Variants in OTUD7A observed in about 807,000 individuals in gnomAD.
The protein encoded by OTUD7A is OTU deubiquitinase 7A, also known as OTU domain-containing protein 7A.
In OTUD7A, 12 loss-of-function variants were observed where a neutral mutation model predicts 65.7. That is an observed-to-expected ratio of 0.18 (90% CI 0.12 to 0.30). OTUD7A has a LOEUF of 0.30. Ranked by LOEUF, OTUD7A falls within the 10% of genes least tolerant of loss-of-function variation. The pLI, the probability that OTUD7A is intolerant of heterozygous loss-of-function variation, is 1.00. For missense variants in OTUD7A, 1,148 were observed against 1,304.8 expected (o/e 0.88, Z 1.85); for synonymous variants, 641 against 586.3 (o/e 1.09, Z -1.35).
intron 3 of OTUD7A, among the ~76,000 whole-genome samples, chr15:31,612,392 A>G (rs1055173318): frequency 1.3e-5 from 2 of 152,186 alleles, no homozygotes; most frequent in African/African-American, 4.8e-5. Context: ...GTTTACCTTG[A>G]AAACCCTGAA....
At chr15:31,584,592 C>T (rs187492347) in intron 3 of OTUD7A, among the ~76,000 whole-genome samples, 228 of 152,300 alleles carry the variant, frequency 1.5e-3, no homozygotes, top group Admixed American at 4.5e-3. Flanking sequence ...TTCTTAACTA[C>T]GAAGACAGCC....
chr15:31,690,773 A>T (rs924479110), intron 1 of OTUD7A, among the ~76,000 whole-genome samples: 2 of 152,208 alleles, frequency 1.3e-5, no homozygotes, highest in African/African-American at 4.8e-5. Context: ...TGTATGCAAA[A>T]ATTAACTAAA....
In OTUD7A at chr15:31,862,262, A is replaced by G. The variant is rs114558366; in HGVS notation, c.-100+8245T>C. Reference sequence around the variant, plus strand: ...GTACGTTCTGTAATGATCCTGCCCAATGAGCCCTTGTATGCCTGTTATTCT... The same window carrying G: ...GTACGTTCTGTAATGATCCTGCCCAGTGAGCCCTTGTATGCCTGTTATTCT... On this transcript the variant is annotated intron_variant, in intron 1 of 12. Transcript: ENST00000307050. 7.0e-3 allele frequency among the ~76,000 whole-genome samples: 1,066 copies of G among 152,300 alleles called. 15 individuals carry two copies. The highest frequency in any genetic ancestry group is 0.025 in the African/African-American group (1,026 of 41,558).
chr15:31,761,500 A>G (rs1894961931), intron 1 of OTUD7A, among the ~76,000 whole-genome samples: 1 of 152,210 alleles, frequency 6.6e-6, no homozygotes, highest in South Asian at 2.1e-4. Context: ...TAGGATGGGT[A>G]TAATAAGAAA....
At chr15:31,608,611 C>T (rs1250801035) in intron 3 of OTUD7A, among the ~76,000 whole-genome samples, 2 of 152,190 alleles carry the variant, frequency 1.3e-5, no homozygotes, top group Non-Finnish European at 2.9e-5. Context: ...ATCAAAAATA[C>T]TGTAAGTGCC....
In OTUD7A at chr15:31,483,661, G is replaced by C. The variant is rs1325194931; in HGVS notation, c.2435C>G (p.Ser812Trp). The change falls in exon 13 of 13, where the codon TCG becomes TGG. Residue 812 changes from serine (S) to tryptophan (W), a missense_variant. Ser to Trp is a radical substitution (Grantham distance 177, BLOSUM62 -3). Around this residue, in one of 6 missense-constraint regions of OTUD7A, gnomAD observed 842 missense variants for 769.5 expected, o/e 1.09. Coordinates refer to ENST00000307050, the MANE Select transcript of OTUD7A (RefSeq NM_001382637.1). ...ATYPQQNRSLSSQSYSPARAA... is the reference protein window; with the variant it reads ...ATYPQQNRSLWSQSYSPARAA... ...GCGCGCCGGGCTGTAGCTCTGCGAC[G>C]ACAGCGAGCGGTTCTGCTGCGGGTA... 8.6e-7 allele frequency: 1 copy of C among 1,168,418 alleles called. No homozygotes were observed. The highest frequency in any genetic ancestry group is 1.1e-6 in the Non-Finnish European group (1 of 949,426). 72.4% of individuals were successfully genotyped at this position (1,168,418 alleles called of 1,614,324 possible).
chr15:31,511,011 T>C lies in OTUD7A; in HGVS notation c.894-7193A>G, dbSNP rs1251140346. Among the ~76,000 whole-genome samples, 7 of 45,214 alleles carry C rather than the reference T, an allele frequency of 1.5e-4. 3 individuals carry two copies. The highest frequency in any genetic ancestry group is 7.4e-5 in the Non-Finnish European group (2 of 27,068). The allele number at this position is 45,214 out of a possible 152,430, so 29.7% of individuals were successfully genotyped here. ...TATGTAACATATGTATATCTATATGTAACATACATGTATATCTATATGTAA... is the reference window on the plus strand; with the variant it reads ...TATGTAACATATGTATATCTATATGCAACATACATGTATATCTATATGTAA... On this transcript the variant is annotated intron_variant, in intron 8 of 12. Transcript: ENST00000307050.
Position 31,510,082 on chromosome 15 carries a change from G to GT in OTUD7A, c.894-6265dup, listed in dbSNP as rs35393343. The stretch of plus-strand genomic sequence containing the variant: ...GTATGCGCTGCCGTCTGTTTCCCCT[G>GT]TTTTTTTTTTTTTTCCCTGATTTAT... On this transcript the variant is annotated intron_variant, in intron 8 of 12. Transcript: ENST00000307050. 6.1e-3 allele frequency among the ~76,000 whole-genome samples: 725 copies of GT among 119,812 alleles called. 3 individuals are homozygous for GT. Among genetic ancestry groups the GT allele is most frequent in the African/African-American group, 0.012 (390 of 33,288 alleles). 78.6% of individuals were successfully genotyped at this position (119,812 alleles called of 152,430 possible).
chr15:31,679,436 T>C (rs1892663864), intron 1 of OTUD7A, among the ~76,000 whole-genome samples: 1 of 152,224 alleles, frequency 6.6e-6, no homozygotes, highest in South Asian at 2.1e-4. Flanking sequence ...CAAAATCTTA[T>C]CTTGAATTGT....
intron 1 of OTUD7A, among the ~76,000 whole-genome samples, chr15:31,681,342 T>C (rs181472399): frequency 2.4e-4 from 36 of 151,932 alleles, no homozygotes; most frequent in African/African-American, 8.0e-4. Flanking sequence ...CACCCACCTA[T>C]GCATGTTTCT....
intron 10 of OTUD7A, among the ~76,000 whole-genome samples, chr15:31,499,174 C>T (rs575665922): frequency 3.3e-5 from 5 of 152,294 alleles, no homozygotes; most frequent in Admixed American, 6.5e-5. Flanking sequence ...CTTGTCTCAG[C>T]CTGAAATACA....
intron 1 of OTUD7A, among the ~76,000 whole-genome samples, chr15:31,858,036 C>G (rs1897622427): frequency 6.6e-6 from 1 of 152,216 alleles, no homozygotes. Flanking sequence ...GTATGTATAT[C>G]ACTGTGTCGT....
In OTUD7A at chr15:31,713,590, G is replaced by C. The variant is rs538416102; in HGVS notation, c.-99-56513C>G. Among the ~76,000 whole-genome samples, 5 of 151,960 alleles carry C rather than the reference G, an allele frequency of 3.3e-5. No homozygotes were observed. The South Asian group carries it at 1.0e-3, about 32-fold the overall frequency. On this transcript the variant is annotated intron_variant, in intron 1 of 12. Coordinates refer to ENST00000307050, the MANE Select transcript of OTUD7A (RefSeq NM_001382637.1). ...GCTGAGATCGTGCCACTACACTCCAGCCAGGACAACAGGGAGAGACTCTGT... is the reference window on the plus strand; with the variant it reads ...GCTGAGATCGTGCCACTACACTCCACCCAGGACAACAGGGAGAGACTCTGT...
chr15:31,824,356 T>C (rs528807225), intron 1 of OTUD7A, among the ~76,000 whole-genome samples: 1 of 152,294 alleles, frequency 6.6e-6, no homozygotes, highest in Admixed American at 6.5e-5. Flanking sequence ...GCTCCATGCA[T>C]GAATGCCAGC....
chr15:31,641,722 T>C (rs1274918197), intron 3 of OTUD7A, among the ~76,000 whole-genome samples: 2 of 152,228 alleles, frequency 1.3e-5, no homozygotes, highest in Non-Finnish European at 2.9e-5. Context: ...CAATTATTCA[T>C]TGCAATTGTA....
chr15:31,852,872 G>C (rs540117650), intron 1 of OTUD7A, among the ~76,000 whole-genome samples: 1 of 152,316 alleles, frequency 6.6e-6, no homozygotes, highest in South Asian at 2.1e-4. Flanking sequence ...TTCATTCAAG[G>C]TTATACTGAT....
intron 1 of OTUD7A, among the ~76,000 whole-genome samples, chr15:31,760,807 A>G (rs1894941079): frequency 6.6e-6 from 1 of 152,214 alleles, no homozygotes; most frequent in African/African-American, 2.4e-5. Flanking sequence ...TTTATGATAA[A>G]TCCACAATAA....
chr15:31,659,363 G>C (rs1210924185), intron 1 of OTUD7A, among the ~76,000 whole-genome samples: 2 of 151,998 alleles, frequency 1.3e-5, no homozygotes, highest in African/African-American at 4.8e-5. Context: ...CTGAGAGCTG[G>C]GATCCACTTC....
chr15:31,653,255 C>G (rs540237668), intron 3 of OTUD7A, among the ~76,000 whole-genome samples: 3 of 122,910 alleles, frequency 2.4e-5, no homozygotes, highest in African/African-American at 6.0e-5. Context: ...TCTGTGTCAC[C>G]AAAAAAAAAA....
Sources: allele counts gnomAD v4.1 joint callset (sites outside exome capture counted in the v4.1 genomes callset), GRCh38; gene constraint gnomAD v4.1.1; regional missense constraint gnomAD v4.1.1; transcripts MANE v1.5; gene names NCBI Gene and HGNC (gene_info 2026-07-23, HGNC 2026-07-21).